Variants in SLC2A9 observed in about 807,000 individuals in gnomAD.
SLC2A9 encodes the protein solute carrier family 2, facilitated glucose transporter member 9.
A neutral mutation model predicts 50.6 loss-of-function variants in SLC2A9; 39 were observed. The observed-to-expected ratio is 0.77, with a 90% CI of 0.60 to 1.01. The LOEUF is 1.01. SLC2A9 is among the 50% of genes least tolerant of loss of function. The pLI is 0.00. For missense variants in SLC2A9, 686 were observed against 677.6 expected, an observed-to-expected ratio of 1.01 and a Z score of -0.14; for synonymous variants, 324 against 276.9, an observed-to-expected ratio of 1.17 and a Z score of -1.69.
chr4:9,853,045 G>A (rs566321813), intron 10 of SLC2A9, among the ~76,000 whole-genome samples: 16 of 152,200 alleles, frequency 1.1e-4, no homozygotes, highest in African/African-American at 3.9e-4. Context: ...ATGTGGTGGT[G>A]TGCACCTGTA....
downstream of SLC2A9, among the ~76,000 whole-genome samples, chr4:9,825,221 C>A (rs565029105): frequency 3.3e-5 from 5 of 152,334 alleles, no homozygotes; most frequent in South Asian, 1.0e-3. Flanking sequence ...AAACCACAAG[C>A]CACACATTAC....
chr4:9,879,544 C>T (rs772992458), intron 10 of SLC2A9: 3 of 985,176 alleles, frequency 3.0e-6, no homozygotes, highest in Middle Eastern at 5.2e-4. Context: ...CCCCTGCAGT[C>T]TTTCCAGAGG....
chr4:9,927,765 T>A (rs534928941), intron 6 of SLC2A9, among the ~76,000 whole-genome samples: 1 of 152,254 alleles, frequency 6.6e-6, no homozygotes, highest in Non-Finnish European at 1.5e-5. Flanking sequence ...TATAACGTTT[T>A]ATTATGGACC....
chr4:9,947,153 T>G (rs1014865114), intron 5 of SLC2A9, among the ~76,000 whole-genome samples: 12 of 152,302 alleles, frequency 7.9e-5, no homozygotes, highest in Admixed American at 6.5e-4. Flanking sequence ...ACGTTGGGAC[T>G]CTGGGGCCAA....
intron 5 of SLC2A9, among the ~76,000 whole-genome samples, chr4:9,963,106 C>T (rs965523755): frequency 1.3e-5 from 2 of 152,118 alleles, no homozygotes; most frequent in Admixed American, 6.5e-5. Flanking sequence ...ACAATCATGG[C>T]CAAAGGCAAA....
At chr4:9,910,428 C>T (rs528632352) in intron 7 of SLC2A9, among the ~76,000 whole-genome samples, 8 of 152,154 alleles carry the variant, frequency 5.3e-5, no homozygotes, top group Non-Finnish European at 1.0e-4. Flanking sequence ...AACTATGATC[C>T]CCAGTGCACC....
chr4:9,893,284 C>A (rs918453873), intron 8 of SLC2A9, among the ~76,000 whole-genome samples: 2 of 152,060 alleles, frequency 1.3e-5, no homozygotes, highest in African/African-American at 4.8e-5. Context: ...AGGCTAGGAG[C>A]CTTCATCTTT....
intron 10 of SLC2A9, among the ~76,000 whole-genome samples, chr4:9,861,146 G>T (rs949858417): frequency 1.3e-5 from 2 of 152,116 alleles, no homozygotes; most frequent in African/African-American, 4.8e-5. Context: ...TTGGCTCACG[G>T]TTCCAACAGG....
intron 3 of SLC2A9, among the ~76,000 whole-genome samples, chr4:9,800,974 C>A (rs1721325266): frequency 6.6e-6 from 1 of 152,154 alleles, no homozygotes; most frequent in African/African-American, 2.4e-5. Flanking sequence ...GGAGGTCTGC[C>A]AGGTTCTTCT....
intron 5 of SLC2A9, among the ~76,000 whole-genome samples, chr4:9,945,036 T>C (rs947877875): frequency 6.6e-6 from 1 of 152,230 alleles, no homozygotes; most frequent in Non-Finnish European, 1.5e-5. Context: ...CTATGCCCTG[T>C]GCTTTATGGA....
At chr4:10,018,589 T>TAGATAGATAGATAGATAGATAGACAAAC (rs1553915108) in intron 2 of SLC2A9, among the ~76,000 whole-genome samples, 18 of 151,032 alleles carry the variant, frequency 1.2e-4, no homozygotes, top group African/African-American at 4.2e-4. Flanking sequence ...GATAGATAGA[T>TAGATAGATAGATAGATAGATAGACAAAC]AACAACAACA....
At chr4:9,959,265 G>C (rs1751841026) in intron 5 of SLC2A9, among the ~76,000 whole-genome samples, 1 of 151,536 alleles carries the variant, frequency 6.6e-6, no homozygotes, top group Admixed American at 6.6e-5. Flanking sequence ...GGTGGCGGGG[G>C]CATGTAATCC....
intron 5 of SLC2A9, among the ~76,000 whole-genome samples, chr4:9,955,218 C>T (rs1179130660): frequency 4.6e-5 from 2 of 43,418 alleles, no homozygotes; most frequent in Non-Finnish European, 9.0e-5. Flanking sequence ...GTCGGCCGGG[C>T]GCGGTGGCTC....
At chr4:10,000,324 C>G (rs549421296) in intron 2 of SLC2A9, among the ~76,000 whole-genome samples, 9 of 152,288 alleles carry the variant, frequency 5.9e-5, no homozygotes, top group African/African-American at 1.7e-4. Flanking sequence ...CCCTGGATCT[C>G]AAAGATCTTC....
At chr4:9,976,977 T>G (rs972429154) in intron 5 of SLC2A9, among the ~76,000 whole-genome samples, 6 of 152,152 alleles carry the variant, frequency 3.9e-5, no homozygotes, top group African/African-American at 1.4e-4. Flanking sequence ...TATTTTTGAC[T>G]CCTCCTCTCT....
At chr4:9,884,960 G>T (rs1474008290) in intron 10 of SLC2A9, among the ~76,000 whole-genome samples, 1 of 152,170 alleles carries the variant, frequency 6.6e-6, no homozygotes, top group Admixed American at 6.5e-5. Context: ...ATAAGTGTGA[G>T]CTGAATAATG....
chr4:9,785,201 C>A (rs1276040642), intron 3 of SLC2A9, among the ~76,000 whole-genome samples: 2 of 152,182 alleles, frequency 1.3e-5, no homozygotes, highest in African/African-American at 4.8e-5. Context: ...TTCTGGGCCT[C>A]ATTTTCTGTC....
At chr4:9,866,066 G>C (rs909190390) in intron 10 of SLC2A9, among the ~76,000 whole-genome samples, 2 of 152,124 alleles carry the variant, frequency 1.3e-5, no homozygotes, top group Non-Finnish European at 2.9e-5. Flanking sequence ...AGGGACTTGT[G>C]GCATGGGGGA....
At chr4:9,853,409 G>A (rs1390808816) in intron 10 of SLC2A9, among the ~76,000 whole-genome samples, 6 of 152,098 alleles carry the variant, frequency 3.9e-5, no homozygotes, top group African/African-American at 1.4e-4. Flanking sequence ...ACAAAGAAGT[G>A]CATTACATAA....
Sources: allele counts gnomAD v4.1 joint callset (sites outside exome capture counted in the v4.1 genomes callset), GRCh38; gene constraint gnomAD v4.1.1; transcripts MANE v1.5; gene names NCBI Gene and HGNC (gene_info 2026-07-23, HGNC 2026-07-21).